FAM174A: variants seen among roughly 807,000 people sequenced by gnomAD.
The protein encoded by FAM174A is membrane protein FAM174A.
FAM174A carries 14 observed loss-of-function variants against 14.3 expected under a neutral mutation model. The ratio of observed to expected loss-of-function variants is 0.98; its 90% CI spans 0.65 to 1.53. The LOEUF is 1.53. Among genes scored for constraint, FAM174A ranks in the 40% most tolerant of loss-of-function variants. FAM174A has a pLI of 0.00. For missense variants in FAM174A, 241 were observed against 249.6 expected (o/e 0.97, Z 0.23); for synonymous variants, 108 against 111.4 (o/e 0.97, Z 0.19).
At chr5:100,543,211 G>T (rs186000734) in intron 1 of FAM174A, among the ~76,000 whole-genome samples, 1 of 152,108 alleles carries the variant, frequency 6.6e-6, no homozygotes, top group Non-Finnish European at 1.5e-5. Flanking sequence ...TCTGCCTCCC[G>T]GGCTCAAGCC....
At chr5:100,573,777 A>C (rs1307656487) in intron 2 of FAM174A, among the ~76,000 whole-genome samples, 1 of 151,022 alleles carries the variant, frequency 6.6e-6, no homozygotes, top group East Asian at 1.9e-4. Context: ...AGTCAATCCT[A>C]AGCCAAAAGA....
chr5:100,569,532 C>T (rs13355293), intron 2 of FAM174A, among the ~76,000 whole-genome samples: 21,446 of 151,694 alleles, frequency 0.14, 3,172 homozygotes, highest in African/African-American at 0.38. Flanking sequence ...AGGAATAACT[C>T]TGTGCAAATG....
At chr5:100,584,721 C>A (rs1055620608) in intron 2 of FAM174A, among the ~76,000 whole-genome samples, 1 of 152,108 alleles carries the variant, frequency 6.6e-6, no homozygotes, top group Non-Finnish European at 1.5e-5. Context: ...AAAAAAAATG[C>A]AAAGATGCTG....
intron 2 of FAM174A, among the ~76,000 whole-genome samples, chr5:100,580,059 T>C (rs1280599334): frequency 6.6e-6 from 1 of 152,182 alleles, no homozygotes; most frequent in Non-Finnish European, 1.5e-5. Context: ...AAATAAACTT[T>C]TTGAAGGTAT....
At chr5:100,574,981 A>C (rs1746871830) in intron 2 of FAM174A, among the ~76,000 whole-genome samples, 1 of 152,186 alleles carries the variant, frequency 6.6e-6, no homozygotes, top group Non-Finnish European at 1.5e-5. Flanking sequence ...TATTGTTCTC[A>C]TTTGAAAGAT....
chr5:100,566,722 T>C (rs1301138614), intron 2 of FAM174A, among the ~76,000 whole-genome samples: 1 of 151,864 alleles, frequency 6.6e-6, no homozygotes, highest in Non-Finnish European at 1.5e-5. Flanking sequence ...GTAAACACCT[T>C]AAGCATATCC....
rs766542787 is a variant in FAM174A, at chr5:100,561,625, T to C, written c.435-429T>C. Among the ~76,000 whole-genome samples, 73 of 151,918 alleles carry C rather than the reference T, an allele frequency of 4.8e-4. 1 individual carries two copies. Among genetic ancestry groups the C allele is most frequent in the Non-Finnish European group, 4.7e-4 (32 of 67,926 alleles). ...AGTTGTGGGCTATCAGTTTAGTCTG[T>C]GAATATGCATATACATACAGTTTCT... On this transcript the variant is annotated intron_variant, in intron 1 of 2. Coordinates refer to ENST00000312637, the MANE Select transcript of FAM174A (RefSeq NM_198507.3).
intron 1 of FAM174A, among the ~76,000 whole-genome samples, chr5:100,540,021 A>C (rs1345541758): frequency 6.6e-6 from 1 of 152,248 alleles, no homozygotes; most frequent in African/African-American, 2.4e-5. Context: ...TTTACTACAC[A>C]TAGTCAGGGA....
At chr5:100,560,534 GTT>G (rs1459549309) in intron 1 of FAM174A, among the ~76,000 whole-genome samples, 3 of 151,952 alleles carry the variant, frequency 2.0e-5, no homozygotes, top group Non-Finnish European at 4.4e-5. Flanking sequence ...AATTTTCTTT[GTT>G]TGTACTCACA....
At chr5:100,563,409 A>G (rs933878796) in intron 2 of FAM174A, among the ~76,000 whole-genome samples, 1 of 151,784 alleles carries the variant, frequency 6.6e-6, no homozygotes, top group Admixed American at 6.6e-5. Context: ...ACAAAAAAAA[A>G]AAAGATCATT....
At chr5:100,563,995 C>CT (rs1204320537) in intron 2 of FAM174A, among the ~76,000 whole-genome samples, 1 of 151,772 alleles carries the variant, frequency 6.6e-6, no homozygotes, top group Non-Finnish European at 1.5e-5. Context: ...TGGTGCTGTC[C>CT]TTGTGATAGT....
At chr5:100,550,348 T>G (rs1746239149) in intron 1 of FAM174A, among the ~76,000 whole-genome samples, 2 of 152,182 alleles carry the variant, frequency 1.3e-5, no homozygotes, top group African/African-American at 4.8e-5. Flanking sequence ...CTAGCTCCCT[T>G]AGATTTTGTT....
At chr5:100,565,119 C>T (rs1284764548) in intron 2 of FAM174A, among the ~76,000 whole-genome samples, 1 of 151,772 alleles carries the variant, frequency 6.6e-6, no homozygotes. Context: ...CAATAAAATG[C>T]TAGTTACCCA....
At chr5:100,577,192 T>C (rs1746921065) in intron 2 of FAM174A, among the ~76,000 whole-genome samples, 1 of 152,150 alleles carries the variant, frequency 6.6e-6, no homozygotes, top group South Asian at 2.1e-4. Flanking sequence ...TGTAAAACTA[T>C]TATGTATCCA....
chr5:100,562,686 CT>C (rs1484222195), intron 2 of FAM174A, among the ~76,000 whole-genome samples: 1 of 151,506 alleles, frequency 6.6e-6, no homozygotes, highest in Non-Finnish European at 1.5e-5. Context: ...AAGATATTTT[CT>C]TTTTAGTTTG....
At position 100,574,882 on chromosome 5, in the gene FAM174A, C is replaced by G. The variant is rs541897369; in HGVS notation, c.570-11299C>G. On this transcript the variant is annotated intron_variant, in intron 2 of 2. Coordinates refer to ENST00000312637, the MANE Select transcript of FAM174A (RefSeq NM_198507.3). ...TTGTGACAGCTGCTTGTTAATAAAA[C>G]ACACCCTTACTGCAGGACGTATTAG... Among the ~76,000 whole-genome samples the G allele has an allele frequency of 4.3e-4, 65 of 152,220 alleles. No individual in the cohort carries two copies. The Middle Eastern group carries it at 0.014, about 32-fold the overall frequency.
At chr5:100,542,821 C>T (rs753799297) in intron 1 of FAM174A, among the ~76,000 whole-genome samples, 1 of 151,018 alleles carries the variant, frequency 6.6e-6, no homozygotes, top group Non-Finnish European at 1.5e-5. Context: ...TAGTGAGATC[C>T]TGCTTATTAT....
intron 2 of FAM174A, among the ~76,000 whole-genome samples, chr5:100,574,483 G>A (rs1284776716): frequency 1.3e-5 from 2 of 151,944 alleles, no homozygotes; most frequent in African/African-American, 2.4e-5. Flanking sequence ...CCACTGCACC[G>A]GGCCTCAAAC....
chr5:100,577,684 A>G (rs936025606), intron 2 of FAM174A, among the ~76,000 whole-genome samples: 1 of 152,118 alleles, frequency 6.6e-6, no homozygotes, highest in Non-Finnish European at 1.5e-5. Flanking sequence ...TAAATAGAAT[A>G]TAAGATTGTA....
Sources: gnomAD v4.1 joint callset for allele counts (sites outside exome capture counted in the v4.1 genomes callset) on GRCh38, gnomAD v4.1.1 for gene constraint, MANE v1.5 for transcripts, NCBI Gene and HGNC (gene_info 2026-07-23, HGNC 2026-07-21) for gene names.